The following GRID1 variants were observed in gnomAD, a reference collection of about 807,000 sequenced individuals.
GRID1 encodes the protein glutamate ionotropic receptor delta type subunit 1.
A neutral mutation model predicts 98.0 loss-of-function variants in GRID1; 28 were observed. The observed-to-expected ratio is 0.29, with a 90% CI of 0.21 to 0.39. The LOEUF (loss-of-function observed/expected upper bound fraction) is 0.39, where lower values mean the gene tolerates loss of function less well. Among genes scored for constraint, GRID1 ranks in the 10% least tolerant of loss-of-function variants. The pLI is 1.00. For missense variants in GRID1, 1,111 were observed against 1,340.5 expected, an observed-to-expected ratio of 0.83 and a Z score of 2.67; for synonymous variants, 553 against 538.5, an observed-to-expected ratio of 1.03 and a Z score of -0.37.
intron 3 of GRID1, among the ~76,000 whole-genome samples, chr10:86,151,257 T>C (rs1354725491): frequency 6.6e-6 from 1 of 152,168 alleles, no homozygotes. Context: ...TTTGCAATGC[T>C]GAGGTAGGTG....
chr10:86,208,198 G>A (rs1226750714), intron 2 of GRID1, among the ~76,000 whole-genome samples: 1 of 152,144 alleles, frequency 6.6e-6, no homozygotes, highest in Non-Finnish European at 1.5e-5. Context: ...ATGCAAGGGC[G>A]CTCGCCTTGC....
intron 12 of GRID1, among the ~76,000 whole-genome samples, chr10:85,702,058 T>C (rs1055432253): frequency 3.9e-5 from 6 of 152,106 alleles, no homozygotes; most frequent in Non-Finnish European, 8.8e-5. Flanking sequence ...TACATAAATA[T>C]ATTTACATAA....
intron 13 of GRID1, among the ~76,000 whole-genome samples, chr10:85,621,944 A>G (rs963184519): frequency 6.6e-5 from 10 of 152,218 alleles, no homozygotes; most frequent in Non-Finnish European, 4.4e-5. Flanking sequence ...CAACATGACA[A>G]TCAGACATTG....
intron 4 of GRID1, among the ~76,000 whole-genome samples, chr10:85,963,459 C>A (rs1227069992): frequency 6.6e-6 from 1 of 152,148 alleles, no homozygotes; most frequent in African/African-American, 2.4e-5. Context: ...CTTTTGCTCA[C>A]TTCCATCTGA....
intron 2 of GRID1, among the ~76,000 whole-genome samples, chr10:86,257,096 G>T (rs191349755): frequency 4.0e-4 from 61 of 152,306 alleles, no homozygotes; most frequent in African/African-American, 1.4e-3. Context: ...TTTGGAATAC[G>T]TGATCTGTTT....
intron 4 of GRID1, among the ~76,000 whole-genome samples, chr10:86,118,647 G>T (rs768386764): frequency 7.2e-5 from 11 of 152,148 alleles, no homozygotes; most frequent in Admixed American, 1.3e-4. Context: ...AGGGCAGCAT[G>T]GGGGAACAAA....
chr10:85,987,305 G>C (rs1016472169), intron 4 of GRID1, among the ~76,000 whole-genome samples: 5 of 151,172 alleles, frequency 3.3e-5, no homozygotes, highest in Non-Finnish European at 5.9e-5. Context: ...CCCTCCCCCA[G>C]TCTCACCTCC....
At chr10:86,178,363 A>AG (rs1455424533) in intron 3 of GRID1, among the ~76,000 whole-genome samples, 1 of 152,022 alleles carries the variant, frequency 6.6e-6, no homozygotes, top group Non-Finnish European at 1.5e-5. Flanking sequence ...GGAGCAGTGG[A>AG]GGGAGGACAG....
rs556043479 is a variant in GRID1, at chr10:86,081,292, G to A, written c.726+57527C>T. ...CAAAGAGGGCCGTGCAGAGATGGTG[G>A]GTATTACAGTGTGCCTGAGAGCTGA... is the stretch of plus-strand genomic sequence containing the variant. On this transcript the variant is annotated intron_variant, in intron 4 of 15. Coordinates refer to ENST00000327946, the MANE Select transcript of GRID1 (RefSeq NM_017551.3). Among the ~76,000 whole-genome samples, 157 of 152,282 alleles carry A rather than the reference G, an allele frequency of 1.0e-3. 1 individual carries two copies. The highest frequency in any genetic ancestry group is 3.4e-3 in the African/African-American group (140 of 41,562).
At chr10:85,915,265 CAA>C (rs1311751292) in intron 5 of GRID1, among the ~76,000 whole-genome samples, 3 of 152,068 alleles carry the variant, frequency 2.0e-5, no homozygotes, top group African/African-American at 4.8e-5. Context: ...AGCATTCACA[CAA>C]ACTCATATAC....
intron 4 of GRID1, among the ~76,000 whole-genome samples, chr10:85,928,517 A>T (rs12245750): frequency 0.19 from 29,255 of 152,116 alleles, 2,986 homozygotes; most frequent in East Asian, 0.36. Flanking sequence ...AGAACTGGTG[A>T]CCTGTGAAGG....
intron 8 of GRID1, among the ~76,000 whole-genome samples, chr10:85,829,611 A>G (rs1192860039): frequency 6.6e-6 from 1 of 152,198 alleles, no homozygotes; most frequent in Non-Finnish European, 1.5e-5. Flanking sequence ...GTTTTAGGAT[A>G]CAAAATCAAT....
Position 86,364,032 on chromosome 10 carries a change from C to T in GRID1, c.144G>A (p.Leu48=). 6.2e-7 allele frequency: 1 copy of T among 1,613,918 alleles called. No homozygotes were observed. Among genetic ancestry groups the T allele is most frequent in the Non-Finnish European group, 8.5e-7 (1 of 1,179,774 alleles). The part of the protein sequence containing the change: ...DRVFQLAVSD[L]SLNDDILQSE... ...TCTGCAGGATGTCATCGTTGAGGCT[C>T]AGGTCGGATACCGCCAACTGGAACA... The change falls in exon 2 of 16, where the codon CTG becomes CTA. Residue 48 remains leucine (L), a synonymous_variant. Coordinates refer to ENST00000327946, the MANE Select transcript of GRID1 (RefSeq NM_017551.3).
chr10:85,684,794 C>T (rs536441326), intron 12 of GRID1, among the ~76,000 whole-genome samples: 14 of 152,290 alleles, frequency 9.2e-5, no homozygotes, highest in African/African-American at 3.1e-4. Context: ...AGTCCAAGAT[C>T]AGGGTGCTAG....
At chr10:85,621,315 T>C (rs35300889) in intron 13 of GRID1, among the ~76,000 whole-genome samples, 26,320 of 152,102 alleles carry the variant, frequency 0.17, 2,770 homozygotes, top group African/African-American at 0.28. Flanking sequence ...CAATAATAGG[T>C]CATGCTAGCA....
intron 8 of GRID1, among the ~76,000 whole-genome samples, chr10:85,826,333 AAAAAC>A (rs1045653639): frequency 1.1e-4 from 17 of 152,284 alleles, no homozygotes; most frequent in Middle Eastern, 3.4e-3. Context: ...AGACTCCGTC[AAAAAC>A]AAAACAAAAC....
At chr10:85,889,940 C>A (rs1188407683) in intron 5 of GRID1, among the ~76,000 whole-genome samples, 2 of 151,958 alleles carry the variant, frequency 1.3e-5, no homozygotes, top group Non-Finnish European at 2.9e-5. Flanking sequence ...TGCACATATT[C>A]GGGGGTATAT....
intron 4 of GRID1, among the ~76,000 whole-genome samples, chr10:86,016,027 T>C (rs1371874646): frequency 6.6e-6 from 1 of 151,894 alleles, no homozygotes; most frequent in Non-Finnish European, 1.5e-5. Context: ...TACCGAGCAT[T>C]ATGTCTGGAC....
chr10:85,779,329 G>C (rs879549956), intron 8 of GRID1, among the ~76,000 whole-genome samples: 12 of 152,264 alleles, frequency 7.9e-5, no homozygotes, highest in Admixed American at 7.8e-4. Flanking sequence ...TCCAAAACCT[G>C]CCTTAGGAGA....
Sources: gnomAD v4.1 joint callset for allele counts (sites outside exome capture counted in the v4.1 genomes callset) on GRCh38, gnomAD v4.1.1 for gene constraint, MANE v1.5 for transcripts, NCBI Gene and HGNC (gene_info 2026-07-23, HGNC 2026-07-21) for gene names.